NEGR1: variants seen among roughly 807,000 people sequenced by gnomAD.
NEGR1 encodes neuronal growth regulator 1.
A neutral mutation model predicts 40.9 loss-of-function variants in NEGR1; 10 were observed. The observed-to-expected ratio is 0.24, with a 90% CI of 0.15 to 0.42. The LOEUF (loss-of-function observed/expected upper bound fraction) is 0.42, where lower values mean the gene tolerates loss of function less well. NEGR1 is among the 10% of genes least tolerant of loss of function. The pLI is 1.00. For synonymous variants in NEGR1, 185 were observed against 166.8 expected (o/e 1.11, Z -0.84); for missense variants, 352 against 438.9 (o/e 0.80, Z 1.77).
At chr1:71,782,701 C>T (rs1351724943) in intron 2 of NEGR1, among the ~76,000 whole-genome samples, 2 of 151,988 alleles carry the variant, frequency 1.3e-5, no homozygotes, top group Non-Finnish European at 2.9e-5. Flanking sequence ...GTGAAGAGAT[C>T]CTATAAAATT....
intron 1 of NEGR1, among the ~76,000 whole-genome samples, chr1:72,027,083 G>A (rs1646817253): frequency 6.6e-6 from 1 of 151,996 alleles, no homozygotes; most frequent in East Asian, 1.9e-4. Context: ...CGGTCACCAC[G>A]CCTGGCCAAT....
intron 2 of NEGR1, among the ~76,000 whole-genome samples, chr1:71,817,084 C>T (rs543700210): frequency 2.0e-5 from 3 of 152,188 alleles, no homozygotes; most frequent in Admixed American, 6.6e-5. Context: ...CCACTCCAAT[C>T]AGGTTTCCGT....
chr1:71,968,797 T>C (rs1275004040), intron 1 of NEGR1, among the ~76,000 whole-genome samples: 2 of 148,014 alleles, frequency 1.4e-5, no homozygotes, highest in Non-Finnish European at 3.0e-5. Context: ...TGATGGCAAG[T>C]GATTTTTTTA....
In NEGR1 at chr1:72,263,414, T is replaced by C. The variant is rs72942916; in HGVS notation, c.176+18905A>G. On this transcript the variant is annotated intron_variant, in intron 1 of 6. Coordinates refer to ENST00000357731, the MANE Select transcript of NEGR1 (RefSeq NM_173808.3). ...AATATTTTTATTAACATCATGTAGA[T>C]GGATAAGCATTCCCATTAGCAGTCC... Among the ~76,000 whole-genome samples, 606 of 151,692 alleles carry C rather than the reference T, an allele frequency of 4.0e-3. 6 individuals are homozygous for C. Among genetic ancestry groups the C allele is most frequent in the African/African-American group, 0.013 (558 of 41,482 alleles).
intron 3 of NEGR1, among the ~76,000 whole-genome samples, chr1:71,739,218 C>CAAAAAA (rs538547056): frequency 8.1e-6 from 1 of 123,994 alleles, no homozygotes; most frequent in African/African-American, 3.4e-5. Context: ...AAAAAAAAAA[C>CAAAAAA]AAAAAAAAAA....
At chr1:71,718,039 T>C (rs911564410) in intron 3 of NEGR1, among the ~76,000 whole-genome samples, 2 of 152,154 alleles carry the variant, frequency 1.3e-5, no homozygotes, top group Non-Finnish European at 2.9e-5. Context: ...CCACCCCATC[T>C]GTGATACTCT....
intron 1 of NEGR1, among the ~76,000 whole-genome samples, chr1:71,950,981 T>G (rs374077609): frequency 1.3e-5 from 2 of 151,968 alleles, no homozygotes; most frequent in African/African-American, 4.8e-5. Context: ...TAATTTATCA[T>G]ATGTGTGTCT....
At chr1:71,599,371 C>T (rs1048275032) in intron 5 of NEGR1, among the ~76,000 whole-genome samples, 6 of 152,118 alleles carry the variant, frequency 3.9e-5, no homozygotes, top group Non-Finnish European at 8.8e-5. Flanking sequence ...CAAGATGTGC[C>T]AAACTCAGTA....
At chr1:72,027,194 G>C (rs140317287) in intron 1 of NEGR1, among the ~76,000 whole-genome samples, 3,909 of 152,172 alleles carry the variant, frequency 0.026, 53 homozygotes, top group Non-Finnish European at 0.04. Context: ...CCAAAGTGCT[G>C]GAATTACAGG....
At chr1:71,415,088 T>C (rs1429226654) in intron 6 of NEGR1, among the ~76,000 whole-genome samples, 1 of 152,106 alleles carries the variant, frequency 6.6e-6, no homozygotes, top group Non-Finnish European at 1.5e-5. Context: ...CCAAAGGTCA[T>C]AGAAAAATTT....
At chr1:71,820,053 T>TG in intron 2 of NEGR1, among the ~76,000 whole-genome samples, 1 of 152,160 alleles carries the variant, frequency 6.6e-6, no homozygotes, top group South Asian at 2.1e-4. Context: ...AAAGGGGCAA[T>TG]GCGTCATTGT....
intron 4 of NEGR1, among the ~76,000 whole-genome samples, chr1:71,659,180 G>T (rs1651974013): frequency 6.6e-6 from 1 of 152,080 alleles, no homozygotes; most frequent in Non-Finnish European, 1.5e-5. Flanking sequence ...AGAGGTTTTT[G>T]ATTTTTTAAT....
chr1:72,148,304 C>A lies in NEGR1; in HGVS notation c.176+134015G>T, dbSNP rs191516678. Among the ~76,000 whole-genome samples the A allele has an allele frequency of 1.0e-3, 159 of 152,248 alleles. No individual in the cohort carries two copies. The Middle Eastern group carries it at 0.024, about 23-fold the overall frequency. On this transcript the variant is annotated intron_variant, in intron 1 of 6. Transcript: ENST00000357731. Reference sequence around the variant, plus strand: ...CAGGCTCAACACCACATAGAAGCTGCGAAGGCTTGTGGCTTCCACCCTCTG... The same window carrying A: ...CAGGCTCAACACCACATAGAAGCTGAGAAGGCTTGTGGCTTCCACCCTCTG...
At chr1:72,014,557 C>T (rs1348008693) in intron 1 of NEGR1, among the ~76,000 whole-genome samples, 1 of 151,822 alleles carries the variant, frequency 6.6e-6, no homozygotes, top group Non-Finnish European at 1.5e-5. Context: ...ATTAGTCAAC[C>T]AATATTCATG....
At chr1:71,998,813 A>C (rs542086390) in intron 1 of NEGR1, among the ~76,000 whole-genome samples, 555 of 151,694 alleles carry the variant, frequency 3.7e-3, no homozygotes, top group Non-Finnish European at 6.6e-3. Context: ...TACAATGTTG[A>C]TATATAAAAT....
intron 6 of NEGR1, among the ~76,000 whole-genome samples, chr1:71,578,328 G>C (rs776092304): frequency 1.3e-5 from 2 of 152,086 alleles, no homozygotes; most frequent in Non-Finnish European, 2.9e-5. Flanking sequence ...TTCTTCTTTA[G>C]AGAACTTAAT....
At chr1:71,707,492 A>G (rs1653939701) in intron 3 of NEGR1, among the ~76,000 whole-genome samples, 1 of 152,086 alleles carries the variant, frequency 6.6e-6, no homozygotes, top group Admixed American at 6.5e-5. Context: ...ACAATAGAAG[A>G]TCAGGTATAC....
intron 2 of NEGR1, among the ~76,000 whole-genome samples, chr1:71,922,097 A>G (rs754352804): frequency 6.6e-6 from 1 of 152,200 alleles, no homozygotes; most frequent in Non-Finnish European, 1.5e-5. Context: ...CCCACAGGTC[A>G]GGACTGTTCA....
chr1:72,143,474 A>G (rs1650762819), intron 1 of NEGR1, among the ~76,000 whole-genome samples: 1 of 151,868 alleles, frequency 6.6e-6, no homozygotes, highest in African/African-American at 2.4e-5. Flanking sequence ...AAGAAATATC[A>G]TGAGTGGGAA....
Sources: allele counts gnomAD v4.1 joint callset (sites outside exome capture counted in the v4.1 genomes callset), GRCh38; gene constraint gnomAD v4.1.1; transcripts MANE v1.5; gene names NCBI Gene and HGNC (gene_info 2026-07-23, HGNC 2026-07-21).